Variants in SH3RF2 observed in about 807,000 individuals in gnomAD.
The protein encoded by SH3RF2 is SH3 domain containing ring finger 2.
Under a neutral mutation model 59.0 loss-of-function variants are expected in SH3RF2, and 43 were observed. The ratio of observed to expected loss-of-function variants is 0.73; its 90% confidence interval spans 0.57 to 0.94. The LOEUF (loss-of-function observed/expected upper bound fraction) is 0.94, where lower values mean the gene tolerates loss of function less well. Ranked by LOEUF, SH3RF2 falls within the 40% of genes least tolerant of loss-of-function variation. The probability of loss-of-function intolerance (pLI) is 0.00; values close to 1 mark genes in which losing one functional copy is unlikely to be tolerated. For synonymous variants in SH3RF2, 391 were observed against 391.5 expected (o/e 1.00, Z 0.01); for missense variants, 930 against 940.1 (o/e 0.99, Z 0.14).
At chr5:146,059,522 TG>T (rs1454215361) in intron 8 of SH3RF2, among the ~76,000 whole-genome samples, 1 of 152,146 alleles carries the variant, frequency 6.6e-6, no homozygotes, top group Non-Finnish European at 1.5e-5. Context: ...CCTCTGTGTC[TG>T]CTTCACGCGC....
In SH3RF2 at chr5:146,075,778, TAAAAAAA is replaced by T. The variant is rs56300547; in HGVS notation, c.*34-2659_*34-2653del. On this transcript the variant is annotated intron_variant, in intron 9 of 9. Coordinates refer to the SH3RF2 transcript ENST00000511217. ...TTGGGCACAATGGCGAAATTCCATGTAAAAAAAAAAAAAAAAAAAAAAAAAAAAAGGA... is the reference window on the plus strand; with the variant it reads ...TTGGGCACAATGGCGAAATTCCATGTAAAAAAAAAAAAAAAAAAAAAAGGA... Among the ~76,000 whole-genome samples the T allele has an allele frequency of 5.4e-3, 414 of 76,958 alleles. 6 individuals carry two copies. Among genetic ancestry groups the T allele is most frequent in the Admixed American group, 0.012 (79 of 6,506 alleles). The allele number at this position is 76,958 out of a possible 152,430, so 50.5% of individuals were successfully genotyped here.
chr5:146,073,563 G>A (rs1441059428), intron 9 of SH3RF2, among the ~76,000 whole-genome samples: 2 of 152,186 alleles, frequency 1.3e-5, no homozygotes, highest in African/African-American at 4.8e-5. Flanking sequence ...TGACCTATGG[G>A]CTCCAGGCAA....
chr5:145,968,044 T>C (rs893599216), intron 2 of SH3RF2, among the ~76,000 whole-genome samples: 6 of 152,156 alleles, frequency 3.9e-5, no homozygotes, highest in Admixed American at 3.9e-4. Context: ...AAAAACTGTA[T>C]GGATATTTGC....
chr5:146,072,713 T>C (rs558782388), intron 9 of SH3RF2, among the ~76,000 whole-genome samples: 6 of 152,202 alleles, frequency 3.9e-5, no homozygotes, highest in Non-Finnish European at 7.4e-5. Context: ...CATTCATTAG[T>C]TGTTGACTAA....
At chr5:146,028,105 C>CTATA (rs982099707) in intron 5 of SH3RF2, among the ~76,000 whole-genome samples, 1 of 149,102 alleles carries the variant, frequency 6.7e-6, no homozygotes, top group Non-Finnish European at 1.5e-5. Flanking sequence ...AATGTAGACA[C>CTATA]TATAGCTCTG....
At chr5:145,986,590 C>T (rs981172520) in intron 2 of SH3RF2, among the ~76,000 whole-genome samples, 14 of 152,214 alleles carry the variant, frequency 9.2e-5, no homozygotes, top group African/African-American at 1.2e-4. Flanking sequence ...GAGATGGTGA[C>T]GGAAATCTTT....
intron 5 of SH3RF2, among the ~76,000 whole-genome samples, chr5:146,037,488 T>C (rs546811092): frequency 6.6e-6 from 1 of 152,280 alleles, no homozygotes; most frequent in South Asian, 2.1e-4. Flanking sequence ...GGGGTCCGCA[T>C]TGGCTGGGGT....
intron 2 of SH3RF2, among the ~76,000 whole-genome samples, chr5:145,962,249 C>G (rs1758658174): frequency 6.6e-6 from 1 of 152,112 alleles, no homozygotes; most frequent in Non-Finnish European, 1.5e-5. Flanking sequence ...ACCACATGGC[C>G]TGAGCAAAAC....
In SH3RF2 at chr5:146,057,928, GTCTCTCTCTC is replaced by G. The variant is rs58826823; in HGVS notation, c.1555+1747_1555+1756del. ...CTGTACTCCAGTCTGGGCTGTTAGTGTCTCTCTCTCTCTCTCTCTCTCTCTCTCTCTCTCT... is the reference window on the plus strand; with the variant it reads ...CTGTACTCCAGTCTGGGCTGTTAGTGTCTCTCTCTCTCTCTCTCTCTCTCT... On this transcript the variant is annotated intron_variant, in intron 8 of 9. Transcript: ENST00000359120. 7.7e-3 allele frequency among the ~76,000 whole-genome samples: 1,031 copies of G among 133,226 alleles called. 5 individuals carry two copies. The highest frequency in any genetic ancestry group is 9.3e-3 in the African/African-American group (308 of 33,048). 87.4% of individuals were successfully genotyped at this position (133,226 alleles called of 152,430 possible). A position where few individuals can be genotyped will look rare whatever the true frequency, so the allele number is the denominator to read the frequency against.
rs1762953232 is a variant in SH3RF2, at chr5:146,062,861, G to A, written c.*160G>A. The A allele has an allele frequency of 2.1e-6, 2 of 942,652 alleles. No homozygotes were observed. The highest frequency in any genetic ancestry group is 1.8e-5 in the South Asian group (1 of 56,642). 58.4% of individuals were successfully genotyped at this position (942,652 alleles called of 1,614,324 possible). On this transcript the variant is annotated 3_prime_UTR_variant, in exon 10 of 10. Transcript: ENST00000359120. ...AGCAAAAGTGGGAGCAGAAATTCCT[G>A]CCCTGGGTGGGAGGATAGATGGCGT...
intron 2 of SH3RF2, among the ~76,000 whole-genome samples, chr5:145,993,152 A>G (rs1760018604): frequency 6.6e-6 from 1 of 152,218 alleles, no homozygotes; most frequent in South Asian, 2.1e-4. Flanking sequence ...TAAAGCTTCC[A>G]AAATTATCTC....
intron 2 of SH3RF2, among the ~76,000 whole-genome samples, chr5:145,965,279 G>A (rs1027538630): frequency 3.9e-5 from 6 of 152,036 alleles, no homozygotes; most frequent in Non-Finnish European, 8.8e-5. Context: ...CCCAGAAATG[G>A]CACGGCCTGT....
intron 2 of SH3RF2, among the ~76,000 whole-genome samples, chr5:145,941,331 GA>G (rs972956492): frequency 6.6e-6 from 1 of 152,100 alleles, no homozygotes; most frequent in African/African-American, 2.4e-5. Flanking sequence ...CCCATAGAGA[GA>G]AAAAAATTGC....
chr5:145,938,387 T>C, intron 2 of SH3RF2, 81 bp downstream of exon 2: 2 of 1,440,090 alleles, frequency 1.4e-6, no homozygotes, highest in Non-Finnish European at 1.8e-6. Flanking sequence ...ATTATCTTCT[T>C]TTAGTTACAT....
intron 6 of SH3RF2, 117 bp downstream of exon 6, chr5:146,047,980 C>T (rs925182881): frequency 1.4e-5 from 14 of 996,050 alleles, no homozygotes; most frequent in East Asian, 5.2e-5. Flanking sequence ...GACAATAGGT[C>T]GCCTTCCTTT....
rs372078309 is a variant in SH3RF2, at chr5:146,053,528, CCCTCTTGGGATTTGGAAACTTGA to C, written c.1323-2452_1323-2430del. ...GGTCAGTCTCAGCCAATATGACATT[CCCTCTTGGGATTTGGAAACTTGA>C]ACAAGGGAGGAAAAGATGGGGGCAA... On this transcript the variant is annotated intron_variant, in intron 7 of 9. Coordinates refer to ENST00000359120, the MANE Select transcript of SH3RF2 (RefSeq NM_152550.4). Among the ~76,000 whole-genome samples the C allele has an allele frequency of 3.3e-3, 504 of 152,122 alleles. 4 individuals carry two copies. Among genetic ancestry groups the C allele is most frequent in the African/African-American group, 0.012 (485 of 41,476 alleles).
rs917870226 is a variant in SH3RF2 at position 146,013,668 on chromosome 5, C to T, written c.745-79C>T. 9 of 1,530,806 alleles carry T rather than the reference C, an allele frequency of 5.9e-6. No homozygotes were observed. In the African/African-American group the frequency reaches 1.3e-4, roughly 21 times the overall value. 94.8% of individuals were successfully genotyped at this position (1,530,806 alleles called of 1,614,324 possible). On this transcript the variant is annotated intron_variant, in intron 4 of 9. Coordinates refer to ENST00000359120, the MANE Select transcript of SH3RF2 (RefSeq NM_152550.4). Reference sequence around the variant, plus strand: ...GAGGAGGTGGCACCTGACCTGGCTTCAGATGTACATGGGTAGGAACTGGCT... The same window carrying T: ...GAGGAGGTGGCACCTGACCTGGCTTTAGATGTACATGGGTAGGAACTGGCT...
chr5:145,971,632 A>T (rs1423038246), intron 2 of SH3RF2, among the ~76,000 whole-genome samples: 1 of 152,224 alleles, frequency 6.6e-6, no homozygotes, highest in Non-Finnish European at 1.5e-5. Context: ...ATGCAGGCCA[A>T]GGTAGGAATG....
At chr5:146,010,911 T>C (rs1760862543) in intron 4 of SH3RF2, among the ~76,000 whole-genome samples, 1 of 152,166 alleles carries the variant, frequency 6.6e-6, no homozygotes, top group African/African-American at 2.4e-5. Context: ...ATTTTGGCTT[T>C]TGTTGCCATT....
Sources: gnomAD v4.1 joint callset for allele counts (sites outside exome capture counted in the v4.1 genomes callset) on GRCh38, gnomAD v4.1.1 for gene constraint, MANE v1.5 for transcripts, NCBI Gene and HGNC (gene_info 2026-07-23, HGNC 2026-07-21) for gene names.